PDE10A: variants seen among roughly 807,000 people sequenced by gnomAD.
PDE10A encodes phosphodiesterase 10A.
A neutral mutation model predicts 97.7 loss-of-function variants in PDE10A; 39 were observed. That is an observed-to-expected ratio of 0.40 (90% CI 0.31 to 0.52). The LOEUF is 0.52. Among genes scored for constraint, PDE10A ranks in the 20% least tolerant of loss-of-function variants. PDE10A has a pLI of 0.56. For missense variants in PDE10A, 731 were observed against 1,047.8 expected (o/e 0.70, Z 4.17); for synonymous variants, 371 against 376.8 (o/e 0.98, Z 0.18).
intron 1 of PDE10A, among the ~76,000 whole-genome samples, chr6:165,617,862 T>A (rs1388901666): frequency 6.6e-6 from 1 of 152,132 alleles, no homozygotes; most frequent in Non-Finnish European, 1.5e-5. Flanking sequence ...TAAAGTCAAG[T>A]GTCAACAGTG....
chr6:165,956,894 A>G (rs777842313), intron 1 of PDE10A, among the ~76,000 whole-genome samples: 11 of 152,202 alleles, frequency 7.2e-5, no homozygotes, highest in African/African-American at 1.9e-4. Flanking sequence ...TATTGACTGC[A>G]TGGGCCACTA....
rs956577645 is a variant in PDE10A, at chr6:165,592,700, G to T, written c.866-49132C>A. Among the ~76,000 whole-genome samples the T allele has an allele frequency of 2.0e-5, 3 of 151,978 alleles. No individual in the cohort carries two copies. In the South Asian group the frequency reaches 6.2e-4, roughly 32 times the overall value. ...TGGCCAACAAACATATGAAAAAAAA[G>T]CCCAGCATCACTCGTCATTAGAGAA... On this transcript the variant is annotated intron_variant, in intron 1 of 21. Transcript: ENST00000539869.
intron 1 of PDE10A, among the ~76,000 whole-genome samples, chr6:165,869,762 G>A (rs539395883): frequency 9.2e-5 from 14 of 152,076 alleles, no homozygotes; most frequent in Admixed American, 7.2e-4. Flanking sequence ...AAGACCAATC[G>A]AACAGAATAG....
chr6:165,822,153 C>T (rs377213728), intron 1 of PDE10A, among the ~76,000 whole-genome samples: 17 of 152,042 alleles, frequency 1.1e-4, no homozygotes, highest in Middle Eastern at 3.4e-3. Flanking sequence ...TGTCCTTTGG[C>T]GGTTGTATCC....
intron 12 of PDE10A, among the ~76,000 whole-genome samples, chr6:165,415,918 T>G (rs1359088912): frequency 6.6e-6 from 1 of 152,194 alleles, no homozygotes; most frequent in Non-Finnish European, 1.5e-5. Context: ...CCACAGTAGC[T>G]CTATAAATTA....
At chr6:165,585,904 G>A (rs935364327) in intron 1 of PDE10A, among the ~76,000 whole-genome samples, 4 of 152,046 alleles carry the variant, frequency 2.6e-5, no homozygotes, top group Non-Finnish European at 4.4e-5. Context: ...CCCCCCTTGC[G>A]CTAAGTAATC....
intron 17 of PDE10A, among the ~76,000 whole-genome samples, chr6:165,382,617 C>A (rs1226734809): frequency 6.6e-6 from 1 of 152,014 alleles, no homozygotes; most frequent in Admixed American, 6.6e-5. Flanking sequence ...AAATTAATAC[C>A]TATCTCATGG....
In PDE10A at chr6:165,392,653, T is replaced by C; in HGVS notation, c.2447A>G (p.Asp816Gly). The C allele has an allele frequency of 6.2e-7, 1 of 1,613,708 alleles. No homozygotes were observed. The highest frequency in any genetic ancestry group is 8.5e-7 in the Non-Finnish European group (1 of 1,179,688). ...TAAAGAGTGCACACCCACCTCAAGG[T>C]CTGTGAAAAGCGTGTGATTGTTCTG... ...ILQNNHTLFT[D>G]LERKGLLIAC... Residue 816 changes from aspartate (D) to glycine (G), a missense_variant, in exon 16 of 22, where the codon GAC (aspartate) becomes GGC (glycine). By Grantham distance (94) the Asp-to-Gly change is moderately conservative. Coordinates refer to ENST00000539869, the MANE Select transcript of PDE10A (RefSeq NM_001385079.1).
chr6:165,776,114 C>A (rs945107298), intron 1 of PDE10A, among the ~76,000 whole-genome samples: 1 of 152,126 alleles, frequency 6.6e-6, no homozygotes, highest in Non-Finnish European at 1.5e-5. Context: ...AAAAAAATAG[C>A]CAAACTGTTT....
Position 165,513,622 on chromosome 6 carries a change from T to C in PDE10A, c.994+29818A>G, listed in dbSNP as rs993336125. ...GACTTCTTTGAAATTATGGATCAATTTGGGGAGAATTGTTATCCAGACAAT... is the reference window on the plus strand; with the variant it reads ...GACTTCTTTGAAATTATGGATCAATCTGGGGAGAATTGTTATCCAGACAAT... On this transcript the variant is annotated intron_variant, in intron 2 of 21. Coordinates refer to ENST00000539869, the MANE Select transcript of PDE10A (RefSeq NM_001385079.1). Among the ~76,000 whole-genome samples, 5 of 152,122 alleles carry C rather than the reference T, an allele frequency of 3.3e-5. No homozygotes were observed. The South Asian group carries it at 6.2e-4, about 19-fold the overall frequency.
At chr6:165,535,230 A>AATAT (rs113648418) in intron 2 of PDE10A, among the ~76,000 whole-genome samples, 22 of 148,110 alleles carry the variant, frequency 1.5e-4, no homozygotes, top group South Asian at 4.3e-4. Flanking sequence ...TGCCTTTTAA[A>AATAT]ATATATATAT....
intron 1 of PDE10A, among the ~76,000 whole-genome samples, chr6:165,765,589 C>A (rs1349369439): frequency 6.7e-6 from 1 of 148,530 alleles, no homozygotes. Context: ...GTGCGGGGCC[C>A]GCCAAGCCCA....
rs138697886 is a variant in PDE10A, at chr6:165,542,373, T to C, written c.994+1067A>G. On this transcript the variant is annotated intron_variant, in intron 2 of 21. Transcript: ENST00000539869. ...AAAATTATTTTGCTTCCCATCCCCT[T>C]TGAGCCTCTAGTTCTTTATTCGTGA... 5.5e-4 allele frequency among the ~76,000 whole-genome samples: 83 copies of C among 152,248 alleles called. 1 individual carries two copies. The highest frequency in any genetic ancestry group is 1.9e-3 in the African/African-American group (77 of 41,566).
At chr6:165,345,274 A>G (rs530057489) in intron 18 of PDE10A, among the ~76,000 whole-genome samples, 29 of 152,366 alleles carry the variant, frequency 1.9e-4, no homozygotes, top group African/African-American at 6.5e-4. Flanking sequence ...GCTGGAAATT[A>G]TTCCCAACAT....
chr6:165,662,095 G>C lies in PDE10A; in HGVS notation c.717C>G (p.Gly239=), dbSNP rs1455924273. The C allele has an allele frequency of 5.2e-6, 6 of 1,149,642 alleles. No homozygotes were observed. The highest frequency in any genetic ancestry group is 3.3e-5 in the African/African-American group (2 of 60,146). 71.2% of individuals were successfully genotyped at this position (1,149,642 alleles called of 1,614,324 possible). Reference sequence around the variant, plus strand: ...GACGCCGCGGAGTTTGGCCGCCGCCGCCTGGGCCGGCGCCGGGGAAGCCGG... The same window carrying C: ...GACGCCGCGGAGTTTGGCCGCCGCCCCCTGGGCCGGCGCCGGGGAAGCCGG... ...GSPGFPGAGP[G]GGGQTPRRPQ... is the part of the protein sequence containing the mutation. The change falls in exon 1 of 22, where the codon GGC becomes GGG. Residue 239 remains glycine, a synonymous_variant. Transcript: ENST00000539869.
chr6:165,619,537 A>C (rs62647941), intron 1 of PDE10A, among the ~76,000 whole-genome samples: 2 of 15,950 alleles, frequency 1.3e-4, no homozygotes, highest in African/African-American at 3.2e-4. Flanking sequence ...GTGTAGTCTA[A>C]TGTAGTGTAG....
At chr6:165,342,061 A>G (rs1244754362) in intron 19 of PDE10A, among the ~76,000 whole-genome samples, 1 of 152,188 alleles carries the variant, frequency 6.6e-6, no homozygotes, top group Non-Finnish European at 1.5e-5. Context: ...TCTCCAGTCT[A>G]TAAGTGTGTA....
chr6:165,455,390 C>T (rs1429505834), intron 3 of PDE10A, among the ~76,000 whole-genome samples: 1 of 152,126 alleles, frequency 6.6e-6, no homozygotes, highest in Admixed American at 6.5e-5. Flanking sequence ...CAGCAGCAGA[C>T]AGAACTCCGC....
At chr6:165,857,698 C>CCTGTGT (rs1554332992) in intron 1 of PDE10A, among the ~76,000 whole-genome samples, 1 of 123,448 alleles carries the variant, frequency 8.1e-6, no homozygotes, top group East Asian at 3.3e-4. Context: ...TCAACAGTTC[C>CCTGTGT]GTGTGTGTGT....
Sources: allele counts gnomAD v4.1 joint callset (sites outside exome capture counted in the v4.1 genomes callset), GRCh38; gene constraint gnomAD v4.1.1; transcripts MANE v1.5; gene names NCBI Gene and HGNC (gene_info 2026-07-23, HGNC 2026-07-21).